The following REXO5 variants were observed in gnomAD, a reference collection of about 807,000 sequenced individuals.
The protein encoded by REXO5 is RNA exonuclease 5.
A neutral mutation model predicts 88.5 loss-of-function variants in REXO5; 48 were observed. That is an observed-to-expected ratio of 0.54 (90% confidence interval 0.43 to 0.69). The LOEUF (loss-of-function observed/expected upper bound fraction) is 0.69. Ranked by LOEUF, REXO5 falls within the 30% of genes least tolerant of loss-of-function variation. REXO5 has a pLI of 0.00. For missense variants in REXO5, 749 were observed against 912.2 expected (o/e 0.82, Z 2.30); for synonymous variants, 311 against 336.5 (o/e 0.92, Z 0.83).
chr16:20,848,683 C>T (rs115136809), intron 19 of REXO5, among the ~76,000 whole-genome samples: 1,966 of 152,292 alleles, frequency 0.013, 39 homozygotes, highest in South Asian at 0.037. Flanking sequence ...CAACGCTGAC[C>T]CAGTTCCATG....
At chr16:20,832,395 A>G in intron 12 of REXO5, 136 bp downstream of exon 12, 1 of 524,102 alleles carries the variant, frequency 1.9e-6, no homozygotes, top group Non-Finnish European at 3.3e-6. Context: ...CATCTATCAC[A>G]AAAACCACGG....
At chr16:20,824,924 G>T (rs2081238243) in intron 7 of REXO5, among the ~76,000 whole-genome samples, 1 of 151,980 alleles carries the variant, frequency 6.6e-6, no homozygotes, top group Non-Finnish European at 1.5e-5. Context: ...CAGGAGAATC[G>T]CTTGAACCCA....
In REXO5 at chr16:20,843,681, A is replaced by G. The variant is rs186644479; in HGVS notation, c.1627-253A>G. Among the ~76,000 whole-genome samples, 33 of 152,376 alleles carry G rather than the reference A, an allele frequency of 2.2e-4. No homozygotes were observed. The East Asian group carries it at 6.4e-3, about 29-fold the overall frequency. On this transcript the variant is annotated intron_variant, in intron 15 of 19. Coordinates refer to ENST00000261377, the MANE Select transcript of REXO5 (RefSeq NM_030941.3). ...GCAGTGATGACTTTAGTGATGCATA[A>G]TAAATATTATGAAAAGCCTGTTGGG...
chr16:20,806,731 T>C, intron 1 of REXO5, 26 bp downstream of exon 1: 1 of 984,388 alleles, frequency 1.0e-6, no homozygotes, highest in Non-Finnish European at 1.5e-6. Context: ...GGTAAAGCCG[T>C]TTGGGTTAGA....
chr16:20,819,217 A>C (rs1378614885), intron 5 of REXO5, among the ~76,000 whole-genome samples: 1 of 152,044 alleles, frequency 6.6e-6, no homozygotes, highest in Non-Finnish European at 1.5e-5. Flanking sequence ...ACCTGCGCAT[A>C]TCTTTATAAT....
intron 2 of REXO5, among the ~76,000 whole-genome samples, chr16:20,807,930 A>G (rs995744990): frequency 7.2e-5 from 11 of 152,106 alleles, no homozygotes; most frequent in Admixed American, 5.2e-4. Flanking sequence ...CCCACTGTCC[A>G]CAGCTGGCCT....
At chr16:20,839,465 T>A (rs2081491922) in intron 13 of REXO5, among the ~76,000 whole-genome samples, 1 of 152,164 alleles carries the variant, frequency 6.6e-6, no homozygotes, top group Non-Finnish European at 1.5e-5. Context: ...GAGTTACACT[T>A]ATTTATTTAA....
rs2081583504 is a variant in REXO5 at position 20,844,892 on chromosome 16, TG to T, written c.1936+49del. 4 of 1,576,238 alleles carry T rather than the reference TG, an allele frequency of 2.5e-6. No homozygotes were observed. In the African/African-American group the frequency reaches 4.0e-5, roughly 16 times the overall value. The stretch of plus-strand genomic sequence containing the variant: ...TAGCTTTGGGGAAGGAAACTGGGGA[TG>T]GTGATAACATGAGGTCAGAGAAAGG... On this transcript the variant is annotated intron_variant, in intron 17 of 19. Transcript: ENST00000261377.
Position 20,843,932 on chromosome 16 carries a change from A to C in REXO5, c.1627-2A>C. The C allele has an allele frequency of 6.3e-7, 1 of 1,594,282 alleles. No individual in the cohort carries two copies. The highest frequency in any genetic ancestry group is 8.6e-7 in the Non-Finnish European group (1 of 1,164,896). On this transcript the variant is annotated splice_acceptor_variant, in intron 15 of 19. Coordinates refer to ENST00000261377, the MANE Select transcript of REXO5 (RefSeq NM_030941.3). LOFTEE classifies it high-confidence loss of function. ...GATGAGGAAATCTTGGTCTTTCTGCAGCCTCATCTCTGTATACAGTATGAA... is the reference window on the plus strand; with the variant it reads ...GATGAGGAAATCTTGGTCTTTCTGCCGCCTCATCTCTGTATACAGTATGAA...
At chr16:20,844,386 A>G (rs1299865611) in intron 16 of REXO5, among the ~76,000 whole-genome samples, 1 of 152,222 alleles carries the variant, frequency 6.6e-6, no homozygotes, top group East Asian at 1.9e-4. Context: ...AATTTCATTA[A>G]GGGTGGGAGG....
intron 19 of REXO5, among the ~76,000 whole-genome samples, chr16:20,846,602 G>A (rs776564221): frequency 2.0e-5 from 3 of 152,214 alleles, no homozygotes; most frequent in Non-Finnish European, 4.4e-5. Context: ...GCTCTCTGGA[G>A]TAAGAAGTAG....
At chr16:20,812,684 T>C (rs1346266847) in intron 2 of REXO5, among the ~76,000 whole-genome samples, 1 of 152,192 alleles carries the variant, frequency 6.6e-6, no homozygotes, top group East Asian at 1.9e-4. Flanking sequence ...TCCACTACTA[T>C]GCAACATGCA....
At chr16:20,806,445 G>A (rs372552724), upstream of REXO5, 44 of 1,552,904 alleles carry the variant, frequency 2.8e-5, no homozygotes, top group Non-Finnish European at 3.7e-5. Context: ...GACACTCCTT[G>A]CTTTTCCAAG....
intron 13 of REXO5, among the ~76,000 whole-genome samples, chr16:20,839,017 T>C (rs572577268): frequency 1.6e-4 from 25 of 152,346 alleles, no homozygotes; most frequent in African/African-American, 6.0e-4. Flanking sequence ...AAAGGTGTTC[T>C]GGTCCGTATA....
In REXO5 at chr16:20,820,165, T is replaced by C. The variant is rs75363944; in HGVS notation, c.476-1597T>C. On this transcript the variant is annotated intron_variant, in intron 5 of 19. Coordinates refer to ENST00000261377, the MANE Select transcript of REXO5 (RefSeq NM_030941.3). ...TGGCTCCCCATTACGTATTGAATGG[T>C]GGACGAAAGTTAATTATGCTCCTGT... Among the ~76,000 whole-genome samples the C allele has an allele frequency of 1.7e-3, 262 of 152,268 alleles. 8 individuals are homozygous for C. In the East Asian group the frequency reaches 0.046, roughly 27 times the overall value.
At chr16:20,826,719 T>C (rs1016573753) in intron 8 of REXO5, among the ~76,000 whole-genome samples, 3 of 152,258 alleles carry the variant, frequency 2.0e-5, no homozygotes, top group Non-Finnish European at 4.4e-5. Flanking sequence ...TAAAAGGATG[T>C]GCTAAATAGA....
Position 20,821,553 on chromosome 16 carries a change from C to T in REXO5, c.476-209C>T, listed in dbSNP as rs540659053. On this transcript the variant is annotated intron_variant, in intron 5 of 19. Transcript: ENST00000261377. Reference sequence around the variant, plus strand: ...TCGTGATCTGCCTGCCTCAGCCTCCCAAAGTGCTGGGATTACAGGCGTGAG... The same window carrying T: ...TCGTGATCTGCCTGCCTCAGCCTCCTAAAGTGCTGGGATTACAGGCGTGAG... 7.2e-4 allele frequency among the ~76,000 whole-genome samples: 110 copies of T among 152,318 alleles called. 1 individual carries two copies. The highest frequency in any genetic ancestry group is 5.3e-3 in the Admixed American group (81 of 15,302).
At chr16:20,808,203 C>T (rs929206765) in intron 2 of REXO5, among the ~76,000 whole-genome samples, 4 of 152,202 alleles carry the variant, frequency 2.6e-5, no homozygotes, top group African/African-American at 9.6e-5. Context: ...CGAAACCGGT[C>T]CCTGGTGCCA....
chr16:20,844,713 A>G lies in REXO5; in HGVS notation c.1804A>G (p.Ile602Val). The G allele has an allele frequency of 6.2e-7, 1 of 1,614,222 alleles. No homozygotes were observed. Among genetic ancestry groups the G allele is most frequent in the African/African-American group, 1.3e-5 (1 of 75,062 alleles). The change falls in exon 17 of 20, where the codon ATA becomes GTA. Residue 602 changes from isoleucine (I) to valine (V), a missense_variant. Ile to Val is a conservative substitution (Grantham distance 29). Coordinates refer to ENST00000261377, the MANE Select transcript of REXO5 (RefSeq NM_030941.3). Reference protein sequence around the residue: ...LEGDSENQGSIYLSGVSETFK... With the variant: ...LEGDSENQGSVYLSGVSETFK... ...AGGAGATTCTGAAAACCAAGGCTCTATATATCTGTCTGGAGTGAGTGAAAC... is the reference window on the plus strand; with the variant it reads ...AGGAGATTCTGAAAACCAAGGCTCTGTATATCTGTCTGGAGTGAGTGAAAC...
Sources: gnomAD v4.1 joint callset for allele counts (sites outside exome capture counted in the v4.1 genomes callset) on GRCh38, gnomAD v4.1.1 for gene constraint, MANE v1.5 for transcripts, NCBI Gene and HGNC (gene_info 2026-07-23, HGNC 2026-07-21) for gene names.